PLCH2: variants seen among roughly 807,000 people sequenced by gnomAD.
The protein encoded by PLCH2 is phospholipase C eta 2.
In PLCH2, 98 loss-of-function variants were observed where a neutral mutation model predicts 134.7. The observed-to-expected ratio is 0.73, with a 90% CI of 0.62 to 0.86. PLCH2 has a LOEUF of 0.86. Ranked by LOEUF, PLCH2 falls within the 40% of genes least tolerant of loss-of-function variation. PLCH2 has a pLI of 0.00. For synonymous variants in PLCH2, 974 were observed against 827.5 expected, an observed-to-expected ratio of 1.18 and a Z score of -3.04; for missense variants, 1,994 against 1,986.6, an observed-to-expected ratio of 1.00 and a Z score of -0.07.
Position 2,498,701 on chromosome 1 carries a change from C to T in PLCH2, c.2350-43C>T. On this transcript the variant is annotated intron_variant, in intron 17 of 21. Transcript: ENST00000378486. This position sits in a 1 kb window ranked among gnomAD's most constrained non-coding sequence, Gnocchi z 5.4. ...GGGTGGGAGTTGGGGGCGGGCCGGG[C>T]ATCGCGATGGGCCCTGATGCCACCC... 6.4e-7 allele frequency: 1 copy of T among 1,558,644 alleles called. No individual in the cohort carries two copies. Among genetic ancestry groups the T allele is most frequent in the Non-Finnish European group, 8.7e-7 (1 of 1,145,830 alleles).
intron 2 of PLCH2, chr1:2,479,257 C>T (rs1313333863): frequency 1.8e-5 from 3 of 167,558 alleles, no homozygotes; most frequent in African/African-American, 7.2e-5. Context: ...CACTTTGGGC[C>T]CGTGGAGAGA....
intron 11 of PLCH2, chr1:2,492,269 C>T (rs533740236): frequency 2.0e-5 from 3 of 152,364 alleles, no homozygotes; most frequent in South Asian, 4.1e-4. Flanking sequence ...GCACAGCTGA[C>T]ACCGCAGGAG....
In PLCH2 at chr1:2,484,483, T is replaced by A. The variant is rs1245272773; in HGVS notation, c.681T>A (p.Gly227=). 6.2e-7 allele frequency: 1 copy of A among 1,613,154 alleles called. No individual in the cohort carries two copies. Among genetic ancestry groups the A allele is most frequent in the Non-Finnish European group, 8.5e-7 (1 of 1,179,724 alleles). ...ADTDDHQGTL[G]FEEFCAFYKM... ...CGGATGACCACCAAGGGACGCTGGG[T>A]TTTGAAGAGTTCTGTGCCTTCTACA... Residue 227 remains glycine, a synonymous_variant, in exon 5 of 22, where the codon GGT becomes GGA. Coordinates refer to ENST00000378486, the MANE Select transcript of PLCH2 (RefSeq NM_014638.4).
At position 2,434,025 on chromosome 1, in the gene PLCH2, C is replaced by T. The variant is rs1639198276; in HGVS notation, c.115+3396C>T. Among the ~76,000 whole-genome samples, 3 of 152,282 alleles carry T rather than the reference C, an allele frequency of 2.0e-5. 1 individual carries two copies. In the South Asian group the frequency reaches 6.2e-4, roughly 31 times the overall value. ...AAACTCGACGAGCTGCTGCCATCAA[C>T]ATCGCAGGAGGTTCCTTCACAGGCA... On this transcript the variant is annotated intron_variant, in intron 2 of 3. Coordinates refer to the PLCH2 transcript ENST00000609981.
In PLCH2 at chr1:2,498,932, G is replaced by A. The variant is rs552684113; in HGVS notation, c.2434+104G>A. 1 of 1,344,350 alleles carries A rather than the reference G, an allele frequency of 7.4e-7. No homozygotes were observed. Among genetic ancestry groups the A allele is most frequent in the Admixed American group, 2.0e-5 (1 of 50,268 alleles). The allele number at this position is 1,344,350 out of a possible 1,614,324, so 83.3% of individuals were successfully genotyped here. On this transcript the variant is annotated intron_variant, in intron 18 of 21. Transcript: ENST00000378486. The surrounding 1 kb of genome is among the most constrained non-coding windows in gnomAD (Gnocchi z 5.4). Reference sequence around the variant, plus strand: ...GTGCCCTGCCCAGGCCTCCCTCAGTGACAGTCCTGGGCGCCCTCCCCTCTA... The same window carrying A: ...GTGCCCTGCCCAGGCCTCCCTCAGTAACAGTCCTGGGCGCCCTCCCCTCTA...
chr1:2,437,486 C>T lies in PLCH2; in HGVS notation c.115+6857C>T, dbSNP rs139783192. On this transcript the variant is annotated intron_variant, in intron 2 of 3. Coordinates refer to the PLCH2 transcript ENST00000609981. ...AATAGCACCCACCGCAACTAGGGGG[C>T]CCAGATCCTGGGAACACCCTCCCGC... is the stretch of plus-strand genomic sequence containing the variant. Among the ~76,000 whole-genome samples the T allele has an allele frequency of 7.2e-4, 110 of 152,152 alleles. No homozygotes were observed. In the East Asian group the frequency reaches 0.012, roughly 17 times the overall value.
intron 2 of PLCH2, among the ~76,000 whole-genome samples, chr1:2,438,495 C>T (rs1639538752): frequency 1.3e-5 from 2 of 152,164 alleles, no homozygotes; most frequent in South Asian, 2.1e-4. Flanking sequence ...TCCAGCTCAC[C>T]TCCTGCAAAG....
chr1:2,482,775 C>T (rs1164760495), intron 4 of PLCH2, among the ~76,000 whole-genome samples: 2 of 152,170 alleles, frequency 1.3e-5, no homozygotes, highest in African/African-American at 4.8e-5. Context: ...CAAGGCTGGT[C>T]CCCAGTGGCA....
intron 2 of PLCH2, among the ~76,000 whole-genome samples, chr1:2,449,818 G>T (rs1640109787): frequency 6.6e-6 from 1 of 152,232 alleles, no homozygotes; most frequent in East Asian, 1.9e-4. Flanking sequence ...CTCAGGGACA[G>T]TGGCTGCCCC....
Position 2,485,984 on chromosome 1 carries a change from G to A in PLCH2, c.817-923G>A, listed in dbSNP as rs149208843. ...CTCCAGTCCTGCAGGCATGACACCC[G>A]GGACGCATGGCCCAGGCAGGGGAAG... On this transcript the variant is annotated intron_variant, in intron 5 of 21. Transcript: ENST00000378486. Among the ~76,000 whole-genome samples the A allele has an allele frequency of 5.1e-3, 770 of 152,216 alleles. 7 individuals carry two copies. The highest frequency in any genetic ancestry group is 0.018 in the African/African-American group (731 of 41,534).
upstream of PLCH2, among the ~76,000 whole-genome samples, chr1:2,423,335 A>G (rs1638611803): frequency 6.6e-6 from 1 of 152,046 alleles, no homozygotes; most frequent in South Asian, 2.1e-4. Flanking sequence ...CCACAGGCAC[A>G]TCCCCCCACA....
At chr1:2,467,346 A>T, upstream of PLCH2, 2 of 365,434 alleles carry the variant, frequency 5.5e-6, no homozygotes, top group Non-Finnish European at 9.7e-6. Flanking sequence ...ACTCCAGCAG[A>T]GGCTGCTGGG....
intron 2 of PLCH2, among the ~76,000 whole-genome samples, chr1:2,438,737 G>A (rs995473199): frequency 2.0e-5 from 3 of 152,304 alleles, no homozygotes; most frequent in South Asian, 2.1e-4. Flanking sequence ...AAATTTGCTC[G>A]GATCATTCCA....
At chr1:2,430,144 C>T (rs1331195826) in intron 1 of PLCH2, among the ~76,000 whole-genome samples, 3 of 152,174 alleles carry the variant, frequency 2.0e-5, no homozygotes, top group Non-Finnish European at 4.4e-5. Flanking sequence ...TTCTTCCCAC[C>T]TGACTCTTCA....
At chr1:2,470,452 C>T (rs1013950102) in intron 1 of PLCH2, among the ~76,000 whole-genome samples, 2 of 152,240 alleles carry the variant, frequency 1.3e-5, no homozygotes, top group African/African-American at 4.8e-5. Flanking sequence ...AGAGGGCCAG[C>T]TCCATCTCCA....
chr1:2,489,797 A>G lies in PLCH2; in HGVS notation c.1445A>G (p.Glu482Gly). ...CCAGCCAACATCAGCGAGGATGCGG[A>G]GGAAGGCGAGGTGTCTGATGAGGAC... ...KLPANISEDA[E>G]EGEVSDEDSA... is the part of the protein sequence containing the mutation. Residue 482 changes from glutamate to glycine, a missense_variant, in exon 10 of 22, where the codon GAG (glutamate) becomes GGG (glycine). Glu to Gly is a moderately conservative substitution (Grantham distance 98). Coordinates refer to ENST00000378486, the MANE Select transcript of PLCH2 (RefSeq NM_014638.4). 6.2e-7 allele frequency: 1 copy of G among 1,613,746 alleles called. No homozygotes were observed. The highest frequency in any genetic ancestry group is 8.5e-7 in the Non-Finnish European group (1 of 1,179,826).
intron 2 of PLCH2, among the ~76,000 whole-genome samples, chr1:2,459,039 T>C (rs1319845869): frequency 1.3e-5 from 2 of 152,234 alleles, no homozygotes; most frequent in Admixed American, 6.5e-5. Flanking sequence ...GGCCCCCTCA[T>C]TGCAGACTCA....
At chr1:2,466,740 C>T (rs867921871), upstream of PLCH2, among the ~76,000 whole-genome samples, 5 of 152,240 alleles carry the variant, frequency 3.3e-5, no homozygotes, top group East Asian at 1.9e-4. Flanking sequence ...GAAAATGTTA[C>T]GTCCCTCAGA....
intron 2 of PLCH2, among the ~76,000 whole-genome samples, chr1:2,434,363 G>GT (rs1355442896): frequency 6.6e-6 from 1 of 152,192 alleles, no homozygotes; most frequent in Non-Finnish European, 1.5e-5. Context: ...TCCTTGTGCC[G>GT]TGGGGCCCCT....
Sources: gnomAD v4.1 joint callset for allele counts (sites outside exome capture counted in the v4.1 genomes callset) on GRCh38, gnomAD v4.1.1 for gene constraint, Gnocchi (gnomAD v3.1) non-coding constraint, MANE v1.5 for transcripts, NCBI Gene and HGNC (gene_info 2026-07-23, HGNC 2026-07-21) for gene names.